The following PLAC8 variants were observed in gnomAD, a reference collection of about 807,000 sequenced individuals.
PLAC8 encodes placenta-specific gene 8 protein.
A neutral mutation model predicts 12.6 loss-of-function variants in PLAC8; 6 were observed. The observed-to-expected ratio is 0.48, with a 90% CI of 0.26 to 0.94. The LOEUF (loss-of-function observed/expected upper bound fraction) is 0.94. PLAC8 is among the 40% of genes least tolerant of loss of function. The pLI is 0.14. For missense variants in PLAC8, 122 were observed against 152.7 expected (o/e 0.80, Z 1.06); for synonymous variants, 54 against 52.6 (o/e 1.03, Z -0.11).
At chr4:83,101,257 G>A (rs1732094038) in intron 3 of PLAC8, among the ~76,000 whole-genome samples, 1 of 152,208 alleles carries the variant, frequency 6.6e-6, no homozygotes, top group Non-Finnish European at 1.5e-5. Context: ...GCACGGGCCT[G>A]TAATCCCAGC....
chr4:83,109,102 C>T (rs571126578), intron 1 of PLAC8, among the ~76,000 whole-genome samples: 1 of 152,178 alleles, frequency 6.6e-6, no homozygotes, highest in East Asian at 1.9e-4. Flanking sequence ...GCAGCTTTGC[C>T]CAAGTCTTAG....
chr4:83,109,319 G>A (rs1352672905), intron 1 of PLAC8, among the ~76,000 whole-genome samples: 1 of 152,170 alleles, frequency 6.6e-6, no homozygotes, highest in East Asian at 1.9e-4. Flanking sequence ...ACATTAAAGT[G>A]GTTTTGGCTT....
At chr4:83,109,798 C>T (rs1405421360) in intron 1 of PLAC8, 1 of 152,564 alleles carries the variant, frequency 6.6e-6, no homozygotes, top group Non-Finnish European at 1.5e-5. Flanking sequence ...TCGATCAACC[C>T]TCACCCCGCC....
intron 1 of PLAC8, among the ~76,000 whole-genome samples, chr4:83,112,719 G>A (rs1374742584): frequency 1.3e-5 from 2 of 152,178 alleles, no homozygotes; most frequent in Admixed American, 6.5e-5. Flanking sequence ...TCATTTGTAC[G>A]CGCCTCTGTG....
At chr4:83,092,516 T>C (rs921110299) in intron 4 of PLAC8, among the ~76,000 whole-genome samples, 1 of 150,496 alleles carries the variant, frequency 6.6e-6, no homozygotes. Context: ...GTTGGGATTA[T>C]AGGCATGAGC....
At chr4:83,096,980 C>T (rs1005925689) in intron 3 of PLAC8, among the ~76,000 whole-genome samples, 4 of 152,198 alleles carry the variant, frequency 2.6e-5, no homozygotes, top group African/African-American at 9.7e-5. Context: ...AAAAGCACTG[C>T]ACCGTCTTCT....
chr4:83,109,521 T>C (rs375804524), intron 1 of PLAC8, among the ~76,000 whole-genome samples: 7 of 152,182 alleles, frequency 4.6e-5, no homozygotes, highest in Non-Finnish European at 8.8e-5. Flanking sequence ...CGCGGATGTG[T>C]ACGTGGCGGT....
intron 1 of PLAC8, among the ~76,000 whole-genome samples, chr4:83,110,474 C>T (rs1322185483): frequency 1.3e-5 from 2 of 152,246 alleles, no homozygotes; most frequent in Non-Finnish European, 2.9e-5. Flanking sequence ...ATCCCCAACA[C>T]TGAGGGTAAG....
At chr4:83,112,295 T>G (rs2126144804) in intron 1 of PLAC8, among the ~76,000 whole-genome samples, 1 of 151,650 alleles carries the variant, frequency 6.6e-6, no homozygotes, top group South Asian at 2.1e-4. Context: ...GTGTGAACAT[T>G]ACTTCCTCCA....
chr4:83,108,066 C>T (rs1381233512), intron 1 of PLAC8, 116 bp from the exon 2 acceptor site: 1 of 268,220 alleles, frequency 3.7e-6, no homozygotes, highest in Non-Finnish European at 7.9e-6. Context: ...AGCACACCAA[C>T]ATGGCACATG....
intron 3 of PLAC8, among the ~76,000 whole-genome samples, chr4:83,104,184 T>C (rs1453215935): frequency 6.6e-6 from 1 of 152,232 alleles, no homozygotes; most frequent in African/African-American, 2.4e-5. Flanking sequence ...ATAATGTTAT[T>C]GCATACTTAA....
intron 3 of PLAC8, among the ~76,000 whole-genome samples, chr4:83,097,658 C>A (rs1399688654): frequency 6.6e-6 from 1 of 152,106 alleles, no homozygotes; most frequent in Non-Finnish European, 1.5e-5. Context: ...ACCCCTAATA[C>A]ATAATTAAAA....
chr4:83,093,351 G>C (rs1001490080), intron 4 of PLAC8: 1 of 152,190 alleles, frequency 6.6e-6, no homozygotes, highest in African/African-American at 2.4e-5. Flanking sequence ...CTCTTGAGAG[G>C]ATACTGTTTC....
At chr4:83,102,025 A>G (rs1732112623) in intron 3 of PLAC8, among the ~76,000 whole-genome samples, 2 of 152,210 alleles carry the variant, frequency 1.3e-5, no homozygotes, top group Non-Finnish European at 2.9e-5. Context: ...GAAGACATAC[A>G]AAGAGATTAA....
chr4:83,107,260 C>T (rs1257561507), intron 2 of PLAC8, among the ~76,000 whole-genome samples: 1 of 151,036 alleles, frequency 6.6e-6, no homozygotes, highest in Non-Finnish European at 1.5e-5. Context: ...TTTTTTTTCC[C>T]CAGTGACAAG....
intron 1 of PLAC8, among the ~76,000 whole-genome samples, chr4:83,113,906 T>C (rs1335133136): frequency 9.9e-5 from 15 of 151,912 alleles, no homozygotes. Flanking sequence ...CTATGAGCAC[T>C]TCACTCCTGA....
Position 83,107,824 on chromosome 4 carries a change from C to T in PLAC8, c.98G>A (p.Cys33Tyr). The T allele has an allele frequency of 6.2e-7, 1 of 1,606,978 alleles. No homozygotes were observed. Among genetic ancestry groups the T allele is most frequent in the African/African-American group, 1.3e-5 (1 of 74,624 alleles). Residue 33 changes from cysteine to tyrosine, a missense_variant, in exon 2 of 5, where the codon TGT becomes TAT. Transcript: ENST00000311507. ...NSNWQTGMCD[C>Y]FSDCGVCLCG... ...CTTACAGACTCCGCAGTCGCTGAAA[C>T]AGTCACACATGCCTGTCTGCCAGTT...
chr4:83,113,595 T>C (rs1270251528), intron 1 of PLAC8, among the ~76,000 whole-genome samples: 1 of 152,220 alleles, frequency 6.6e-6, no homozygotes, highest in Admixed American at 6.5e-5. Flanking sequence ...GTTCTGCCCG[T>C]TGTGGTGTGA....
chr4:83,098,218 A>G (rs1322484885), intron 3 of PLAC8, among the ~76,000 whole-genome samples: 2 of 152,192 alleles, frequency 1.3e-5, no homozygotes, highest in African/African-American at 2.4e-5. Flanking sequence ...AGGTTTAAGC[A>G]AAGTGAAAAG....
Sources: gnomAD v4.1 joint callset for allele counts (sites outside exome capture counted in the v4.1 genomes callset) on GRCh38, gnomAD v4.1.1 for gene constraint, MANE v1.5 for transcripts, NCBI Gene and HGNC (gene_info 2026-07-23, HGNC 2026-07-21) for gene names.